The following FHIT variants were observed in gnomAD, a reference collection of about 807,000 sequenced individuals.
The protein encoded by FHIT is fragile histidine triad diadenosine triphosphatase.
In FHIT, 19 loss-of-function variants were observed where a neutral mutation model predicts 17.9. The ratio of observed to expected loss-of-function variants is 1.06; its 90% CI spans 0.74 to 1.56. The LOEUF (loss-of-function observed/expected upper bound fraction) is 1.56, where lower values mean the gene tolerates loss of function less well. FHIT is among the 40% of genes most tolerant of loss of function. FHIT has a pLI of 0.00. For missense variants in FHIT, 248 were observed against 189.2 expected (o/e 1.31, Z -1.82); for synonymous variants, 81 against 69.7 (o/e 1.16, Z -0.81).
At chr3:60,144,386 T>G (rs1184434290) in intron 5 of FHIT, among the ~76,000 whole-genome samples, 2 of 152,216 alleles carry the variant, frequency 1.3e-5, no homozygotes, top group African/African-American at 4.8e-5. Flanking sequence ...GTAGTTATTT[T>G]TATTCATTTC....
chr3:60,621,015 A>G (rs2039109705), intron 4 of FHIT, among the ~76,000 whole-genome samples: 1 of 152,118 alleles, frequency 6.6e-6, no homozygotes, highest in Admixed American at 6.6e-5. Flanking sequence ...CCTTATAAAA[A>G]ATGTCAAACC....
chr3:60,255,038 T>C (rs1251263193), intron 5 of FHIT, among the ~76,000 whole-genome samples: 1 of 152,224 alleles, frequency 6.6e-6, no homozygotes, highest in Non-Finnish European at 1.5e-5. Context: ...CTAAGGCATG[T>C]ATTTTGCATT....
chr3:60,247,579 T>G (rs1345516985), intron 5 of FHIT, among the ~76,000 whole-genome samples: 2 of 152,154 alleles, frequency 1.3e-5, no homozygotes, highest in Non-Finnish European at 2.9e-5. Flanking sequence ...AGCAGTAATC[T>G]TATCTTAAAG....
intron 8 of FHIT, among the ~76,000 whole-genome samples, chr3:59,839,678 C>T (rs1436007731): frequency 2.0e-5 from 3 of 152,140 alleles, no homozygotes; most frequent in South Asian, 4.1e-4. Context: ...CTGGGAAGAT[C>T]TACTTCAATC....
intron 8 of FHIT, among the ~76,000 whole-genome samples, chr3:59,864,010 G>A (rs1488261677): frequency 1.3e-5 from 2 of 152,166 alleles, no homozygotes; most frequent in African/African-American, 4.8e-5. Context: ...ATTCTAGGTG[G>A]AAGCCTTTAT....
chr3:60,730,815 G>T (rs1411274588), intron 4 of FHIT, among the ~76,000 whole-genome samples: 1 of 152,112 alleles, frequency 6.6e-6, no homozygotes, highest in Non-Finnish European at 1.5e-5. Flanking sequence ...GAGAAGTCTA[G>T]TGTTAAGAAA....
intron 5 of FHIT, among the ~76,000 whole-genome samples, chr3:60,168,270 T>A (rs1701264359): frequency 6.6e-6 from 1 of 152,220 alleles, no homozygotes; most frequent in Non-Finnish European, 1.5e-5. Context: ...ACTGCTTCTC[T>A]ATGATTGTTA....
At chr3:59,857,964 C>T (rs1322128770) in intron 8 of FHIT, among the ~76,000 whole-genome samples, 1 of 152,128 alleles carries the variant, frequency 6.6e-6, no homozygotes, top group Non-Finnish European at 1.5e-5. Context: ...CACCACTGCC[C>T]AGAGCTTCCA....
At chr3:60,483,416 G>A (rs2033701848) in intron 5 of FHIT, among the ~76,000 whole-genome samples, 1 of 152,172 alleles carries the variant, frequency 6.6e-6, no homozygotes, top group Admixed American at 6.5e-5. Context: ...GAGCATCAAT[G>A]CGAAAATCCT....
chr3:61,212,563 G>A (rs567713104), intron 1 of FHIT, among the ~76,000 whole-genome samples: 2 of 152,336 alleles, frequency 1.3e-5, no homozygotes, highest in Admixed American at 6.5e-5. Context: ...ATGGAACCAA[G>A]TTGGAAAACA....
chr3:60,580,027 C>G lies in FHIT; in HGVS notation c.-17-43048G>C, dbSNP rs563301489. ...ATGCTTAAGATAAATTTCAGAGATA[C>G]TAGGATGGTGTTTTTCATGTCTGCA... On this transcript the variant is annotated intron_variant, in intron 4 of 9. Coordinates refer to ENST00000492590, the MANE Select transcript of FHIT (RefSeq NM_002012.4). Among the ~76,000 whole-genome samples, 34 of 152,210 alleles carry G rather than the reference C, an allele frequency of 2.2e-4. No individual in the cohort carries two copies. The South Asian group carries it at 2.5e-3, about 11-fold the overall frequency.
intron 4 of FHIT, among the ~76,000 whole-genome samples, chr3:60,786,426 G>A (rs1357711141): frequency 1.3e-5 from 2 of 152,218 alleles, no homozygotes; most frequent in African/African-American, 4.8e-5. Flanking sequence ...AAGCACTGCA[G>A]TGTAATATGC....
intron 5 of FHIT, among the ~76,000 whole-genome samples, chr3:60,030,114 A>T (rs1160807050): frequency 6.6e-6 from 1 of 152,114 alleles, no homozygotes; most frequent in Non-Finnish European, 1.5e-5. Context: ...TGAACTCTGA[A>T]TGCATCATTA....
intron 5 of FHIT, among the ~76,000 whole-genome samples, chr3:60,328,907 G>T (rs1256097768): frequency 1.3e-5 from 2 of 152,118 alleles, no homozygotes; most frequent in African/African-American, 4.8e-5. Context: ...CAAATTATAA[G>T]GTAACACACT....
At chr3:60,387,034 T>C (rs1436477573) in intron 5 of FHIT, among the ~76,000 whole-genome samples, 2 of 151,204 alleles carry the variant, frequency 1.3e-5, no homozygotes, top group African/African-American at 2.4e-5. Flanking sequence ...TTTTTTTTTT[T>C]TGGAGTGCAA....
At chr3:60,371,278 G>C (rs1487075802) in intron 5 of FHIT, among the ~76,000 whole-genome samples, 1 of 152,096 alleles carries the variant, frequency 6.6e-6, no homozygotes, top group African/African-American at 2.4e-5. Flanking sequence ...CAATAAATCA[G>C]TGTAAATGTA....
intron 1 of FHIT, among the ~76,000 whole-genome samples, chr3:61,249,933 AACAC>A (rs71100943): frequency 0.13 from 16,335 of 125,602 alleles, 1,129 homozygotes; most frequent in Middle Eastern, 0.18. Context: ...AATCAATAAC[AACAC>A]ACACACACAC....
chr3:59,875,099 C>G (rs1459133522), intron 8 of FHIT, among the ~76,000 whole-genome samples: 1 of 152,204 alleles, frequency 6.6e-6, no homozygotes, highest in South Asian at 2.1e-4. Flanking sequence ...TTTATTCTTT[C>G]TGCTTTGTTT....
chr3:60,270,174 G>A (rs530561770), intron 5 of FHIT, among the ~76,000 whole-genome samples: 2 of 152,246 alleles, frequency 1.3e-5, no homozygotes, highest in African/African-American at 2.4e-5. Flanking sequence ...ACCAGGCCAC[G>A]CAGGCGCATG....
Sources: allele counts gnomAD v4.1 joint callset (sites outside exome capture counted in the v4.1 genomes callset), GRCh38; gene constraint gnomAD v4.1.1; transcripts MANE v1.5; gene names NCBI Gene and HGNC (gene_info 2026-07-23, HGNC 2026-07-21).